Variants in FAR2 observed in about 807,000 individuals in gnomAD.
FAR2 encodes epididymis secretory protein Li 81.
Under a neutral mutation model 56.0 loss-of-function variants are expected in FAR2, and 19 were observed. The observed-to-expected ratio is 0.34, with a 90% CI of 0.24 to 0.50. FAR2 has a LOEUF of 0.50. Among genes scored for constraint, FAR2 ranks in the 20% least tolerant of loss-of-function variants. The probability of loss-of-function intolerance (pLI) is 0.98; values close to 1 mark genes in which losing one functional copy is unlikely to be tolerated. For synonymous variants in FAR2, 219 were observed against 218.8 expected, an observed-to-expected ratio of 1.00 and a Z score of -0.01; for missense variants, 508 against 642.2, an observed-to-expected ratio of 0.79 and a Z score of 2.26.
chr12:29,168,012 A>C (rs1269440955), intron 1 of FAR2, among the ~76,000 whole-genome samples: 1 of 152,224 alleles, frequency 6.6e-6, no homozygotes, highest in African/African-American at 2.4e-5. Flanking sequence ...AGTGTCGTCA[A>C]AATAAATGTG....
intron 1 of FAR2, among the ~76,000 whole-genome samples, chr12:29,150,793 T>C (rs1949676208): frequency 6.6e-6 from 1 of 152,218 alleles, no homozygotes; most frequent in African/African-American, 2.4e-5. Flanking sequence ...GAGGGCTGCT[T>C]CTGCCCCTGC....
intron 1 of FAR2, among the ~76,000 whole-genome samples, chr12:29,186,863 A>C (rs1034588348): frequency 6.6e-6 from 1 of 151,898 alleles, no homozygotes; most frequent in Non-Finnish European, 1.5e-5. Flanking sequence ...ATCTCGGCTC[A>C]CTGTAAGCTC....
intron 1 of FAR2, among the ~76,000 whole-genome samples, chr12:29,236,212 T>C (rs1484980880): frequency 6.6e-6 from 1 of 152,158 alleles, no homozygotes; most frequent in African/African-American, 2.4e-5. Context: ...ATAGGAAATC[T>C]TCTTTTGTAG....
chr12:29,171,792 C>T (rs1249715755), intron 1 of FAR2: 1 of 153,064 alleles, frequency 6.5e-6, no homozygotes, highest in African/African-American at 2.4e-5. Context: ...CTGAGGAGCA[C>T]CTCTGCCCGG....
At chr12:29,172,668 G>C (rs1949899198) in intron 1 of FAR2, among the ~76,000 whole-genome samples, 1 of 152,298 alleles carries the variant, frequency 6.6e-6, no homozygotes, top group South Asian at 2.1e-4. Context: ...AGCTGATTGG[G>C]TAATAAACTT....
intron 1 of FAR2, among the ~76,000 whole-genome samples, chr12:29,266,875 T>G (rs1228518397): frequency 6.6e-6 from 1 of 152,140 alleles, no homozygotes; most frequent in African/African-American, 2.4e-5. Flanking sequence ...TGCAAAACTG[T>G]GTCTGGGGTC....
Position 29,195,936 on chromosome 12 carries a change from T to C in FAR2, c.-39+46529T>C, listed in dbSNP as rs142639770. ...GTACACATTATTTACTTCCCACTTA[T>C]AAGTGAGAACATGCTGTATTTGACT... On this transcript the variant is annotated intron_variant, in intron 1 of 11. Coordinates refer to ENST00000536681, the MANE Select transcript of FAR2 (RefSeq NM_001271783.2). 1.5e-3 allele frequency among the ~76,000 whole-genome samples: 221 copies of C among 152,330 alleles called. 1 individual carries two copies. The South Asian group carries it at 0.021, about 15-fold the overall frequency.
At chr12:29,312,035 C>A in intron 8 of FAR2, 85 bp downstream of exon 8, 2 of 945,014 alleles carry the variant, frequency 2.1e-6, no homozygotes, top group Non-Finnish European at 1.6e-6. Flanking sequence ...GAGCTTAGAG[C>A]TTATATGGGG....
chr12:29,258,248 G>A (rs891439395), intron 1 of FAR2, among the ~76,000 whole-genome samples: 4 of 151,854 alleles, frequency 2.6e-5, no homozygotes, highest in South Asian at 2.1e-4. Context: ...CCAGCTACTC[G>A]GGAGGCTGAG....
chr12:29,307,700 G>A lies in FAR2; in HGVS notation c.588G>A (p.Leu196=), dbSNP rs1167730361. ...TTATTGACGAGATTACACCCAAGCT[G>A]ATCAGAGATTGGCCCAATATTTATA... ...DAIIDEITPK[L]IRDWPNIYTY... Residue 196 remains leucine, a synonymous_variant, in exon 5 of 12, where the codon CTG becomes CTA. Coordinates refer to ENST00000536681, the MANE Select transcript of FAR2 (RefSeq NM_001271783.2). 1.2e-6 allele frequency: 2 copies of A among 1,613,738 alleles called. No individual in the cohort carries two copies. The highest frequency in any genetic ancestry group is 1.7e-6 in the Non-Finnish European group (2 of 1,179,788).
At chr12:29,316,784 T>C (rs919137528) in intron 8 of FAR2, 57 bp from the exon 9 acceptor site, 1 of 1,549,332 alleles carries the variant, frequency 6.5e-7, no homozygotes, top group African/African-American at 1.4e-5. Flanking sequence ...TGCTTTCCAC[T>C]ATGATGGACT....
chr12:29,328,212 C>T (rs1418842341), intron 10 of FAR2, among the ~76,000 whole-genome samples: 1 of 152,148 alleles, frequency 6.6e-6, no homozygotes, highest in East Asian at 1.9e-4. Context: ...GAGATACCAT[C>T]TCACACCAGT....
At chr12:29,248,313 T>G (rs897535672) in intron 1 of FAR2, among the ~76,000 whole-genome samples, 3 of 152,104 alleles carry the variant, frequency 2.0e-5, no homozygotes, top group Non-Finnish European at 4.4e-5. Flanking sequence ...ATCGGCCAGC[T>G]TGAGAAATAA....
chr12:29,297,252 T>C (rs1316999490), intron 4 of FAR2, 52 bp downstream of exon 4: 2 of 1,484,080 alleles, frequency 1.3e-6, no homozygotes, highest in Non-Finnish European at 1.8e-6. Flanking sequence ...AGTTCCTTTG[T>C]TCTCTTTGAT....
At chr12:29,169,078 G>A (rs1219644620) in intron 1 of FAR2, among the ~76,000 whole-genome samples, 1 of 152,262 alleles carries the variant, frequency 6.6e-6, no homozygotes, top group African/African-American at 2.4e-5. Context: ...ACAGAGCACT[G>A]ATTGGTGCGT....
chr12:29,254,447 G>A (rs986710383), intron 1 of FAR2, among the ~76,000 whole-genome samples: 2 of 152,184 alleles, frequency 1.3e-5, no homozygotes, highest in African/African-American at 4.8e-5. Flanking sequence ...CAATCCTCAT[G>A]CTTCAGTCTC....
At chr12:29,324,765 G>T (rs958050995) in intron 10 of FAR2, among the ~76,000 whole-genome samples, 2 of 152,154 alleles carry the variant, frequency 1.3e-5, no homozygotes, top group African/African-American at 2.4e-5. Context: ...AACATGGAAA[G>T]GAACAACTGA....
intron 1 of FAR2, among the ~76,000 whole-genome samples, chr12:29,234,550 C>T (rs1431272869): frequency 6.6e-6 from 1 of 152,152 alleles, no homozygotes; most frequent in Non-Finnish European, 1.5e-5. Context: ...AGTTCCCCTG[C>T]TTCGAGTTGC....
chr12:29,325,907 G>T (rs1277996878), intron 10 of FAR2, among the ~76,000 whole-genome samples: 3 of 152,180 alleles, frequency 2.0e-5, no homozygotes, highest in African/African-American at 7.2e-5. Context: ...GAGCAGAGCA[G>T]AACTGAAGGA....
Sources: gnomAD v4.1 joint callset for allele counts (sites outside exome capture counted in the v4.1 genomes callset) on GRCh38, gnomAD v4.1.1 for gene constraint, MANE v1.5 for transcripts, NCBI Gene and HGNC (gene_info 2026-07-23, HGNC 2026-07-21) for gene names.